Variants in MYO1D observed in about 807,000 individuals in gnomAD.
MYO1D encodes the protein myosin ID.
MYO1D carries 83 observed loss-of-function variants against 122.0 expected under a neutral mutation model. The observed-to-expected ratio is 0.68, with a 90% CI of 0.57 to 0.82. The LOEUF (loss-of-function observed/expected upper bound fraction) is 0.82. Ranked by LOEUF, MYO1D falls within the 40% of genes least tolerant of loss-of-function variation. MYO1D has a pLI of 0.00. For missense variants in MYO1D, 1,157 were observed against 1,269.5 expected (o/e 0.91, Z 1.35); for synonymous variants, 464 against 446.9 (o/e 1.04, Z -0.48).
intron 5 of MYO1D, among the ~76,000 whole-genome samples, chr17:32,772,169 A>G (rs1279485314): frequency 6.6e-6 from 1 of 152,194 alleles, no homozygotes; most frequent in Non-Finnish European, 1.5e-5. Flanking sequence ...AAAAACTTAC[A>G]ATAATATATC....
rs754501559 is a variant in MYO1D, at chr17:32,748,945, C to T, written c.1529G>A (p.Gly510Asp). 16 of 1,613,188 alleles carry T rather than the reference C, an allele frequency of 9.9e-6. No individual in the cohort carries two copies. The highest frequency in any genetic ancestry group is 1.3e-5 in the Non-Finnish European group (15 of 1,179,308). ...DRDFRIRHYA[G>D]DVVYSVIGFI... is the part of the protein sequence containing the mutation. Reference sequence around the variant, plus strand: ...AAGGTAAGATACTCACACTACATCGCCTGCATAATGTCGAATTCGAAAATC... The same window carrying T: ...AAGGTAAGATACTCACACTACATCGTCTGCATAATGTCGAATTCGAAAATC... The change falls in exon 12 of 22, where the codon GGC (glycine) becomes GAC (aspartate). Residue 510 changes from glycine to aspartate, a missense_variant. Transcript: ENST00000318217.
intron 1 of MYO1D, among the ~76,000 whole-genome samples, chr17:32,845,597 T>A (rs993288640): frequency 6.6e-6 from 1 of 152,210 alleles, no homozygotes; most frequent in Non-Finnish European, 1.5e-5. Flanking sequence ...ATCCAGGTTC[T>A]TGACTTGGGG....
intron 21 of MYO1D, among the ~76,000 whole-genome samples, chr17:32,548,544 T>C (rs1004926679): frequency 1.3e-5 from 2 of 151,944 alleles, no homozygotes; most frequent in Admixed American, 6.6e-5. Context: ...CTGTCTGAGC[T>C]CCTCAAGAAG....
chr17:32,763,845 G>A (rs868089034), intron 8 of MYO1D, among the ~76,000 whole-genome samples: 4 of 152,044 alleles, frequency 2.6e-5, no homozygotes, highest in South Asian at 2.1e-4. Flanking sequence ...ACTTGAACCC[G>A]GGAGGTGGAG....
At chr17:32,827,216 A>G (rs1435260911) in intron 1 of MYO1D, among the ~76,000 whole-genome samples, 1 of 152,244 alleles carries the variant, frequency 6.6e-6, no homozygotes. Context: ...ATTAACAAGG[A>G]AAGACATTCT....
intron 1 of MYO1D, among the ~76,000 whole-genome samples, chr17:32,808,803 T>C (rs1286359615): frequency 2.0e-5 from 3 of 152,198 alleles, no homozygotes; most frequent in African/African-American, 4.8e-5. Context: ...AACTCAACTA[T>C]GTCAGCACCC....
chr17:32,583,674 T>C (rs552561297), intron 21 of MYO1D, among the ~76,000 whole-genome samples: 31 of 152,290 alleles, frequency 2.0e-4, no homozygotes, highest in Admixed American at 1.9e-3. Flanking sequence ...CCAGCCACTG[T>C]AGTTTAATAT....
chr17:32,803,738 AG>A (rs2090481063), intron 1 of MYO1D, among the ~76,000 whole-genome samples: 1 of 152,198 alleles, frequency 6.6e-6, no homozygotes, highest in Non-Finnish European at 1.5e-5. Flanking sequence ...TCTCTTGCGA[AG>A]GAAGTGATGC....
chr17:32,874,300 G>GAC (rs2091208829), intron 1 of MYO1D, among the ~76,000 whole-genome samples: 1 of 37,542 alleles, frequency 2.7e-5, no homozygotes, highest in Admixed American at 2.9e-4. Flanking sequence ...ATCTGTCTCT[G>GAC]TCTCTCTCTC....
intron 1 of MYO1D, among the ~76,000 whole-genome samples, chr17:32,847,929 T>C (rs1195702755): frequency 6.6e-6 from 1 of 152,208 alleles, no homozygotes; most frequent in African/African-American, 2.4e-5. Flanking sequence ...AGATTGTTTA[T>C]ACAAAAATTA....
intron 21 of MYO1D, among the ~76,000 whole-genome samples, chr17:32,580,875 T>C (rs2087332777): frequency 6.6e-6 from 1 of 152,244 alleles, no homozygotes; most frequent in Non-Finnish European, 1.5e-5. Context: ...TTATAATTCC[T>C]AAATCTATGC....
chr17:32,612,810 C>T (rs1185580199), intron 20 of MYO1D, among the ~76,000 whole-genome samples: 1 of 151,612 alleles, frequency 6.6e-6, no homozygotes, highest in Non-Finnish European at 1.5e-5. Context: ...GCTGTCTTGC[C>T]CAGGCTGGAG....
intron 1 of MYO1D, among the ~76,000 whole-genome samples, chr17:32,787,193 G>A (rs1399723759): frequency 6.6e-6 from 1 of 152,006 alleles, no homozygotes; most frequent in Admixed American, 6.6e-5. Context: ...TAAAGAGAAT[G>A]GACACTGCTG....
chr17:32,678,872 C>T (rs2088864973), intron 16 of MYO1D, among the ~76,000 whole-genome samples: 1 of 151,084 alleles, frequency 6.6e-6, no homozygotes, highest in Non-Finnish European at 1.5e-5. Context: ...TACAGTCCCA[C>T]CAACAGTGTA....
chr17:32,646,244 T>G (rs1235884644), intron 19 of MYO1D, among the ~76,000 whole-genome samples: 1 of 152,216 alleles, frequency 6.6e-6, no homozygotes, highest in Admixed American at 6.5e-5. Context: ...AAATATTCAA[T>G]AGAACACTGG....
chr17:32,765,029 T>G lies in MYO1D; in HGVS notation c.884A>C (p.Lys295Thr), dbSNP rs778480557. The G allele has an allele frequency of 6.2e-7, 1 of 1,614,128 alleles. No homozygotes were observed. The highest frequency in any genetic ancestry group is 1.1e-5 in the South Asian group (1 of 91,086). Residue 295 changes from lysine (K) to threonine (T), a missense_variant, in exon 8 of 22, where the codon AAA becomes ACA. Transcript: ENST00000318217. ...DGDTPLIENG[K>T]VVSIIAELLS... ...CAATTCTGCTATGATAGATACTACT[T>G]TGCCATTCTCAATAAGAGGCGTGTC...
At chr17:32,594,562 G>C in intron 21 of MYO1D, 1 of 667,124 alleles carries the variant, frequency 1.5e-6, no homozygotes, top group Non-Finnish European at 2.7e-6. Flanking sequence ...ATAAGCAGAT[G>C]GTTTCTGTAA....
intron 1 of MYO1D, among the ~76,000 whole-genome samples, chr17:32,854,883 G>A (rs1598157930): frequency 1.3e-5 from 2 of 152,196 alleles, no homozygotes; most frequent in African/African-American, 2.4e-5. Context: ...GAATCTGCAC[G>A]CTTTAACTGT....
intron 21 of MYO1D, among the ~76,000 whole-genome samples, chr17:32,507,460 T>C (rs1240973788): frequency 6.6e-6 from 1 of 152,084 alleles, no homozygotes; most frequent in East Asian, 1.9e-4. Context: ...TTCATTACAT[T>C]CAACAATTAG....
Sources: allele counts gnomAD v4.1 joint callset (sites outside exome capture counted in the v4.1 genomes callset), GRCh38; gene constraint gnomAD v4.1.1; transcripts MANE v1.5; gene names NCBI Gene and HGNC (gene_info 2026-07-23, HGNC 2026-07-21).